The following STK32B variants were observed in gnomAD, a reference collection of about 807,000 sequenced individuals.
The protein encoded by STK32B is serine/threonine kinase 32B.
STK32B carries 43 observed loss-of-function variants against 52.6 expected under a neutral mutation model. The ratio of observed to expected loss-of-function variants is 0.82; its 90% confidence interval spans 0.64 to 1.05. The LOEUF is 1.05. Among genes scored for constraint, STK32B ranks in the 50% least tolerant of loss-of-function variants. STK32B has a pLI of 0.00. For synonymous variants in STK32B, 238 were observed against 204.3 expected (o/e 1.17, Z -1.41); for missense variants, 621 against 534.6 (o/e 1.16, Z -1.59).
At chr4:5,483,556 T>A (rs1718899148) in intron 11 of STK32B, among the ~76,000 whole-genome samples, 3 of 152,168 alleles carry the variant, frequency 2.0e-5, no homozygotes, top group African/African-American at 7.2e-5. Flanking sequence ...ATTCATTGAT[T>A]TTTTGAAGGT....
intron 2 of STK32B, among the ~76,000 whole-genome samples, chr4:5,160,075 C>T (rs185101376): frequency 1.2e-4 from 19 of 152,146 alleles, no homozygotes; most frequent in African/African-American, 3.9e-4. Context: ...TCAACCTCAC[C>T]CCAAAACACC....
intron 4 of STK32B, among the ~76,000 whole-genome samples, chr4:5,383,367 C>T (rs959814199): frequency 8.5e-5 from 13 of 152,168 alleles, no homozygotes; most frequent in African/African-American, 1.9e-4. Context: ...TCATCCCAAC[C>T]GGCTCCCAGA....
At chr4:5,213,956 T>C (rs1365231389) in intron 3 of STK32B, among the ~76,000 whole-genome samples, 1 of 152,260 alleles carries the variant, frequency 6.6e-6, no homozygotes, top group East Asian at 1.9e-4. Flanking sequence ...GATATTTTCC[T>C]AAATTTTCTT....
intron 3 of STK32B, among the ~76,000 whole-genome samples, chr4:5,286,292 A>G (rs1462931612): frequency 6.6e-6 from 1 of 152,240 alleles, no homozygotes; most frequent in Non-Finnish European, 1.5e-5. Context: ...CTAACAAGTC[A>G]TCTATAAGAT....
At chr4:5,208,767 A>G (rs1722730667) in intron 3 of STK32B, among the ~76,000 whole-genome samples, 2 of 152,200 alleles carry the variant, frequency 1.3e-5, no homozygotes, top group African/African-American at 4.8e-5. Context: ...CCATGGTGGG[A>G]AGGGAAAAGA....
chr4:5,495,928 C>T (rs536428259), intron 11 of STK32B, among the ~76,000 whole-genome samples: 94 of 152,236 alleles, frequency 6.2e-4, no homozygotes, highest in African/African-American at 2.0e-3. Flanking sequence ...TCTGATCGTT[C>T]CTCTGGAAAT....
the STK32B span, among the ~76,000 whole-genome samples, chr4:5,025,058 G>T: frequency 2.0e-5 from 3 of 152,156 alleles, no homozygotes; most frequent in African/African-American, 7.2e-5. Flanking sequence ...TTTATCTGAG[G>T]ACTTGGGCCA....
rs1737078513 is a variant in STK32B, at chr4:5,398,632, G to A, written c.472+388G>A. Among the ~76,000 whole-genome samples, 1 of 152,146 alleles carries A rather than the reference G, an allele frequency of 6.6e-6. No individual in the cohort carries two copies. The highest frequency in any genetic ancestry group is 1.5e-5 in the Non-Finnish European group (1 of 68,026). On this transcript the variant is annotated intron_variant, in intron 5 of 11. Transcript: ENST00000282908. The surrounding 1 kb of genome is among the most constrained non-coding windows in gnomAD (Gnocchi z 4.9). ...AAACTGGGGAGAAGGCACCTCCCTT[G>A]CAGGGTGTTCATGAGGGTGAAATGA...
At chr4:5,325,711 G>T (rs1425787289) in intron 3 of STK32B, among the ~76,000 whole-genome samples, 1 of 152,276 alleles carries the variant, frequency 6.6e-6, no homozygotes, top group South Asian at 2.1e-4. Flanking sequence ...CTTTGCTCTT[G>T]CAAGGAGAGC....
At chr4:5,292,641 T>C (rs553574965) in intron 3 of STK32B, among the ~76,000 whole-genome samples, 1 of 152,274 alleles carries the variant, frequency 6.6e-6, no homozygotes, top group Admixed American at 6.5e-5. Flanking sequence ...CAAAAGCTCT[T>C]TAGTTTAATT....
Position 5,466,828 on chromosome 4 carries a change from C to T in STK32B, c.1035C>T (p.Cys345=), listed in dbSNP as rs756634331. The change falls in exon 10 of 12, where the codon TGC becomes TGT. Residue 345 remains cysteine (C), a synonymous_variant. Coordinates refer to ENST00000282908, the MANE Select transcript of STK32B (RefSeq NM_018401.3). ...CCAGGGATGGCACAAAGGACAGCTG[C>T]CCGCTGGTGAGTGCTTCGTGGGAGC... The part of the protein sequence containing the change: ...NRSRDGTKDS[C]PLNGHLQHCL... 4 of 1,613,036 alleles carry T rather than the reference C, an allele frequency of 2.5e-6. No individual in the cohort carries two copies. In the South Asian group the frequency reaches 3.3e-5, roughly 13 times the overall value.
At chr4:5,316,927 ATAAT>A (rs1179178205) in intron 3 of STK32B, among the ~76,000 whole-genome samples, 2 of 27,340 alleles carry the variant, frequency 7.3e-5, no homozygotes, top group Admixed American at 7.0e-4. Context: ...TATAATATAT[ATAAT>A]ATATATAATA....
intron 3 of STK32B, among the ~76,000 whole-genome samples, chr4:5,266,659 T>G (rs1321636071): frequency 6.6e-6 from 1 of 152,196 alleles, no homozygotes; most frequent in African/African-American, 2.4e-5. Context: ...CTCAGCCACT[T>G]ATCTCTCTTA....
intron 6 of STK32B, among the ~76,000 whole-genome samples, chr4:5,444,993 G>A (rs1432827757): frequency 1.3e-5 from 2 of 152,276 alleles, no homozygotes; most frequent in South Asian, 2.1e-4. Flanking sequence ...TGTGCTGAAC[G>A]AAATGTTGAG....
intron 3 of STK32B, among the ~76,000 whole-genome samples, chr4:5,264,127 G>A (rs73084018): frequency 0.097 from 14,752 of 152,138 alleles, 1,987 homozygotes; most frequent in African/African-American, 0.3. Context: ...GAACATTCCT[G>A]TGTACGTGAT....
At chr4:5,183,065 T>G (rs1720478136) in intron 3 of STK32B, among the ~76,000 whole-genome samples, 1 of 152,146 alleles carries the variant, frequency 6.6e-6, no homozygotes, top group Admixed American at 6.5e-5. Context: ...GCAGAATAGA[T>G]TTAGCAAAAT....
At chr4:5,419,481 C>G (rs1712446348) in intron 6 of STK32B, among the ~76,000 whole-genome samples, 1 of 152,196 alleles carries the variant, frequency 6.6e-6, no homozygotes, top group Non-Finnish European at 1.5e-5. Flanking sequence ...ATCAAGAGCC[C>G]TTTCAATGCC....
chr4:5,033,939 C>G, the STK32B span, among the ~76,000 whole-genome samples: 1 of 152,302 alleles, frequency 6.6e-6, no homozygotes, highest in South Asian at 2.1e-4. Flanking sequence ...CTGTGTACTT[C>G]TCACAAACTT....
At chr4:5,027,700 C>T in the STK32B span, among the ~76,000 whole-genome samples, 318 of 152,280 alleles carry the variant, frequency 2.1e-3, 1 homozygote, top group African/African-American at 7.4e-3. Context: ...CTTCCTCCCT[C>T]CTGTTACAGG....
Sources: allele counts gnomAD v4.1 joint callset (sites outside exome capture counted in the v4.1 genomes callset), GRCh38; gene constraint gnomAD v4.1.1; non-coding constraint Gnocchi (gnomAD v3.1); transcripts MANE v1.5; gene names NCBI Gene and HGNC (gene_info 2026-07-23, HGNC 2026-07-21).